The following GCNT1 variants were observed in gnomAD, a reference collection of about 807,000 sequenced individuals.
GCNT1 encodes beta-1,3-galactosyl-O-glycosyl-glycoprotein beta-1,6-N-acetylglucosaminyltransferase.
GCNT1 carries 16 observed loss-of-function variants against 26.2 expected under a neutral mutation model. The ratio of observed to expected loss-of-function variants is 0.61; its 90% CI spans 0.41 to 0.93. GCNT1 has a LOEUF of 0.93. Ranked by LOEUF, GCNT1 falls within the 40% of genes least tolerant of loss-of-function variation. The pLI is 0.00. For missense variants in GCNT1, 477 were observed against 526.7 expected, an observed-to-expected ratio of 0.91 and a Z score of 0.92; for synonymous variants, 183 against 190.8, an observed-to-expected ratio of 0.96 and a Z score of 0.34.
At chr9:76,425,820 TAG>T (rs1175089687) in intron 1 of GCNT1, among the ~76,000 whole-genome samples, 1 of 152,090 alleles carries the variant, frequency 6.6e-6, no homozygotes, top group Non-Finnish European at 1.5e-5. Context: ...GATTAAATCA[TAG>T]AGAGTCGAAG....
intron 2 of GCNT1, among the ~76,000 whole-genome samples, chr9:76,466,332 C>T (rs1587428493): frequency 6.6e-6 from 1 of 152,204 alleles, no homozygotes; most frequent in African/African-American, 2.4e-5. Context: ...GACAGGATCT[C>T]TCTCCATTGC....
At chr9:76,465,050 T>C (rs2131598051) in intron 2 of GCNT1, among the ~76,000 whole-genome samples, 1 of 152,170 alleles carries the variant, frequency 6.6e-6, no homozygotes, top group South Asian at 2.1e-4. Flanking sequence ...ACAGGAGCAA[T>C]CATAGCACAC....
At chr9:76,477,946 G>T (rs542642637) in intron 2 of GCNT1, among the ~76,000 whole-genome samples, 53 of 152,260 alleles carry the variant, frequency 3.5e-4, no homozygotes, top group African/African-American at 1.2e-3. Context: ...TCTAGTTAAA[G>T]GATTGTAAAT....
At chr9:76,478,119 G>A (rs1284617431) in intron 2 of GCNT1, among the ~76,000 whole-genome samples, 1 of 152,188 alleles carries the variant, frequency 6.6e-6, no homozygotes, top group Non-Finnish European at 1.5e-5. Context: ...GATGTGGGTG[G>A]GGACAAATAA....
At chr9:76,432,923 T>G (rs1344200128) in intron 1 of GCNT1, among the ~76,000 whole-genome samples, 1 of 152,134 alleles carries the variant, frequency 6.6e-6, no homozygotes, top group African/African-American at 2.4e-5. Context: ...GGTGCCTTTG[T>G]TTTAGGCTTT....
At chr9:76,492,358 CAA>C (rs1356858360) in intron 2 of GCNT1, among the ~76,000 whole-genome samples, 4 of 152,254 alleles carry the variant, frequency 2.6e-5, no homozygotes, top group Non-Finnish European at 5.9e-5. Flanking sequence ...GTGGAAAGAG[CAA>C]AGTCTCCCAA....
rs1178573418 is a variant in GCNT1 at position 76,502,720 on chromosome 9, C to T, written c.339C>T (p.Pro113=). 1.2e-6 allele frequency: 2 copies of T among 1,613,924 alleles called. No individual in the cohort carries two copies. Among genetic ancestry groups the T allele is most frequent in the Non-Finnish European group, 1.7e-6 (2 of 1,179,878 alleles). Residue 113 remains proline, a synonymous_variant, in exon 4 of 4, where the codon CCC becomes CCT. Coordinates refer to ENST00000376730, the MANE Select transcript of GCNT1 (RefSeq NM_001490.5). ...AGAGACGCAAATATATTGTAGAACC[C>T]CTTAGTAAAGAAGAGGCGGAGTTTC... ...FIKRRKYIVE[P]LSKEEAEFPI...
chr9:76,430,697 T>C (rs1333769168), intron 1 of GCNT1, among the ~76,000 whole-genome samples: 1 of 151,656 alleles, frequency 6.6e-6, no homozygotes, highest in African/African-American at 2.4e-5. Flanking sequence ...GTCCTCTTTT[T>C]TTTTGAGACC....
upstream of GCNT1, among the ~76,000 whole-genome samples, chr9:76,440,779 A>G (rs1182516285): frequency 1.1e-4 from 16 of 152,012 alleles, no homozygotes; most frequent in Admixed American, 7.2e-4. Context: ...AAAAATGCCT[A>G]TGCCTGCCGG....
the GCNT1 span, among the ~76,000 whole-genome samples, chr9:76,408,791 A>G: frequency 6.6e-6 from 1 of 151,882 alleles, no homozygotes; most frequent in Non-Finnish European, 1.5e-5. Context: ...AGGTTCAAGC[A>G]ATTCTCCTGC....
chr9:76,434,482 C>G (rs562419931), intron 1 of GCNT1, among the ~76,000 whole-genome samples: 2 of 152,316 alleles, frequency 1.3e-5, no homozygotes. Flanking sequence ...ATCCTGTTAT[C>G]TTTGTAAGCT....
At chr9:76,400,390 G>A in the GCNT1 span, among the ~76,000 whole-genome samples, 1 of 152,092 alleles carries the variant, frequency 6.6e-6, no homozygotes, top group Admixed American at 6.5e-5. Context: ...CCCCTTACCT[G>A]CACAGGTGTA....
intron 1 of GCNT1, among the ~76,000 whole-genome samples, chr9:76,427,698 G>A (rs976216615): frequency 6.6e-6 from 1 of 152,220 alleles, no homozygotes; most frequent in South Asian, 2.1e-4. Flanking sequence ...AAATTAAAAG[G>A]ATTAGTTTAG....
intron 1 of GCNT1, among the ~76,000 whole-genome samples, chr9:76,451,948 C>CTTTTTTTTTTTTT (rs747978017): frequency 2.2e-4 from 22 of 98,320 alleles, no homozygotes; most frequent in African/African-American, 3.6e-4. Flanking sequence ...TTCTTTCTTT[C>CTTTTTTTTTTTTT]TTTTTTTTTT....
upstream of GCNT1, among the ~76,000 whole-genome samples, chr9:76,456,035 G>A (rs902664960): frequency 9.2e-5 from 14 of 152,304 alleles, no homozygotes; most frequent in African/African-American, 2.9e-4. Context: ...AATATTAGGA[G>A]AGTTGGGTGT....
At chr9:76,470,615 A>T (rs908656965) in intron 2 of GCNT1, among the ~76,000 whole-genome samples, 2 of 151,932 alleles carry the variant, frequency 1.3e-5, no homozygotes, top group Non-Finnish European at 2.9e-5. Flanking sequence ...AAAAAAAAAA[A>T]AAAAAAAAAT....
chr9:76,448,043 C>T (rs1380665591), intron 1 of GCNT1, among the ~76,000 whole-genome samples: 1 of 152,210 alleles, frequency 6.6e-6, no homozygotes, highest in East Asian at 1.9e-4. Context: ...CCTGGAGAGC[C>T]TCTACTCTGA....
chr9:76,435,851 G>A (rs1823399621), intron 1 of GCNT1, among the ~76,000 whole-genome samples: 1 of 152,052 alleles, frequency 6.6e-6, no homozygotes, highest in African/African-American at 2.4e-5. Flanking sequence ...CTAAGATTAG[G>A]GTTTTCACAC....
intron 2 of GCNT1, among the ~76,000 whole-genome samples, chr9:76,488,118 A>C (rs981002456): frequency 6.6e-6 from 1 of 152,172 alleles, no homozygotes; most frequent in African/African-American, 2.4e-5. Flanking sequence ...GATGTGGCTT[A>C]GTTTCCCCCC....
Sources: allele counts gnomAD v4.1 joint callset (sites outside exome capture counted in the v4.1 genomes callset), GRCh38; gene constraint gnomAD v4.1.1; transcripts MANE v1.5; gene names NCBI Gene and HGNC (gene_info 2026-07-23, HGNC 2026-07-21).